The following XKR6 variants were observed in gnomAD, a reference collection of about 807,000 sequenced individuals.
XKR6 encodes XK related 6.
Under a neutral mutation model 56.7 loss-of-function variants are expected in XKR6, and 22 were observed. The observed-to-expected ratio is 0.39, with a 90% CI of 0.28 to 0.55. XKR6 has a LOEUF of 0.55. Among genes scored for constraint, XKR6 ranks in the 20% least tolerant of loss-of-function variants. XKR6 has a pLI of 0.66. For missense variants in XKR6, 852 were observed against 889.0 expected, an observed-to-expected ratio of 0.96 and a Z score of 0.53; for synonymous variants, 524 against 387.8, an observed-to-expected ratio of 1.35 and a Z score of -4.13.
intron 1 of XKR6, chr8:11,195,215 T>C (rs1803808458): frequency 8.5e-6 from 6 of 702,582 alleles, no homozygotes; most frequent in Admixed American, 4.0e-5. Context: ...CCAAAGGGTC[T>C]TGCCCACTGC....
intron 1 of XKR6, among the ~76,000 whole-genome samples, chr8:11,091,953 C>A (rs1490250433): frequency 6.6e-6 from 1 of 152,172 alleles, no homozygotes; most frequent in African/African-American, 2.4e-5. Flanking sequence ...TTATACAGAT[C>A]CACCACAATC....
At chr8:10,924,912 A>G in intron 1 of XKR6, 82 bp from the exon 2 acceptor site, 3 of 1,431,326 alleles carry the variant, frequency 2.1e-6, no homozygotes, top group African/African-American at 2.8e-5. Flanking sequence ...CCCTAAAACC[A>G]AGAGACTCAG....
intron 1 of XKR6, among the ~76,000 whole-genome samples, chr8:11,152,429 A>G (rs1318385885): frequency 6.6e-6 from 1 of 152,218 alleles, no homozygotes; most frequent in Non-Finnish European, 1.5e-5. Context: ...TTAAAAATCT[A>G]GATACATAAT....
intron 1 of XKR6, among the ~76,000 whole-genome samples, chr8:11,131,894 T>C (rs1018457136): frequency 4.6e-5 from 7 of 152,160 alleles, no homozygotes; most frequent in African/African-American, 1.7e-4. Context: ...GACTATACCA[T>C]CTAGGTTTGT....
chr8:11,051,944 CG>C (rs889757960), intron 1 of XKR6, among the ~76,000 whole-genome samples: 1 of 152,142 alleles, frequency 6.6e-6, no homozygotes, highest in African/African-American at 2.4e-5. Context: ...GCGTGTGCCA[CG>C]GTGGCGTGTT....
intron 1 of XKR6, among the ~76,000 whole-genome samples, chr8:11,037,919 C>A (rs1009453220): frequency 7.3e-5 from 11 of 150,460 alleles, no homozygotes; most frequent in African/African-American, 2.7e-4. Flanking sequence ...CCCAGCTACT[C>A]GGGAGGCTGA....
intron 1 of XKR6, among the ~76,000 whole-genome samples, chr8:10,974,064 C>G (rs1024928920): frequency 6.6e-6 from 1 of 152,126 alleles, no homozygotes; most frequent in African/African-American, 2.4e-5. Flanking sequence ...AAAGCTAGTT[C>G]AAATATGTAT....
chr8:11,011,239 T>C (rs911402808), intron 1 of XKR6, among the ~76,000 whole-genome samples: 2 of 152,086 alleles, frequency 1.3e-5, no homozygotes, highest in African/African-American at 4.8e-5. Flanking sequence ...ATTTCAACAA[T>C]ACAGTGACAT....
At chr8:11,004,019 G>A (rs917416695) in intron 1 of XKR6, among the ~76,000 whole-genome samples, 4 of 152,130 alleles carry the variant, frequency 2.6e-5, no homozygotes, top group African/African-American at 9.7e-5. Flanking sequence ...TGGGTCCTGG[G>A]GCATCACAAG....
intron 1 of XKR6, chr8:11,195,293 T>G (rs1803813682): frequency 1.6e-6 from 1 of 630,678 alleles, no homozygotes. Context: ...CCTTTCATTC[T>G]TTTAGCATTT....
intron 1 of XKR6, among the ~76,000 whole-genome samples, chr8:10,925,293 C>T (rs926710122): frequency 3.9e-5 from 6 of 152,204 alleles, no homozygotes; most frequent in Admixed American, 1.3e-4. Flanking sequence ...GCTCCTACTA[C>T]GTGCCATTCG....
intron 1 of XKR6, among the ~76,000 whole-genome samples, chr8:11,166,492 T>C (rs1007109602): frequency 6.6e-6 from 1 of 152,214 alleles, no homozygotes; most frequent in Non-Finnish European, 1.5e-5. Flanking sequence ...GCAGCCGTGA[T>C]GGACTAAGAC....
At chr8:10,970,410 A>G (rs1802370108) in intron 1 of XKR6, among the ~76,000 whole-genome samples, 1 of 152,170 alleles carries the variant, frequency 6.6e-6, no homozygotes, top group African/African-American at 2.4e-5. Flanking sequence ...AACATATGAT[A>G]CTGTGAATAT....
intron 1 of XKR6, among the ~76,000 whole-genome samples, chr8:11,159,842 T>TTA (rs2117006710): frequency 6.6e-6 from 1 of 152,352 alleles, no homozygotes; most frequent in East Asian, 1.9e-4. Context: ...AGAAGGTACC[T>TTA]TATCTCTTCT....
chr8:10,935,929 A>G (rs1239586554), intron 1 of XKR6, among the ~76,000 whole-genome samples: 2 of 145,600 alleles, frequency 1.4e-5, no homozygotes, highest in Non-Finnish European at 3.0e-5. Flanking sequence ...CTTGGTGCAG[A>G]GCTGAGTTCA....
Position 11,135,649 on chromosome 8 carries a change from T to C in XKR6, c.764+64927A>G, listed in dbSNP as rs557214284. Among the ~76,000 whole-genome samples the C allele has an allele frequency of 1.5e-4, 23 of 151,920 alleles. 1 individual carries two copies. The highest frequency in any genetic ancestry group is 4.6e-4 in the African/African-American group (19 of 41,430). On this transcript the variant is annotated intron_variant, in intron 1 of 2. Coordinates refer to ENST00000416569, the MANE Select transcript of XKR6 (RefSeq NM_173683.4). ...GTGGTATGAACAGAGGAACAGAAAA[T>C]GGGTGAATTCATGAAAAAATGTCTG...
chr8:10,911,468 T>A (rs1800362655), intron 2 of XKR6, among the ~76,000 whole-genome samples: 1 of 145,920 alleles, frequency 6.9e-6, no homozygotes, highest in African/African-American at 2.5e-5. Flanking sequence ...AGAGAGAATA[T>A]GTATGTGTAT....
At chr8:10,994,064 G>A (rs924327566) in intron 1 of XKR6, among the ~76,000 whole-genome samples, 2 of 152,176 alleles carry the variant, frequency 1.3e-5, no homozygotes, top group African/African-American at 4.8e-5. Context: ...CCTTGGCTGG[G>A]CCCCTGAAAG....
intron 1 of XKR6, among the ~76,000 whole-genome samples, chr8:11,034,626 G>C (rs751614481): frequency 6.6e-6 from 1 of 152,222 alleles, no homozygotes; most frequent in South Asian, 2.1e-4. Context: ...AAACTAGATG[G>C]AATGGGAGAC....
Sources: gnomAD v4.1 joint callset for allele counts (sites outside exome capture counted in the v4.1 genomes callset) on GRCh38, gnomAD v4.1.1 for gene constraint, MANE v1.5 for transcripts, NCBI Gene and HGNC (gene_info 2026-07-23, HGNC 2026-07-21) for gene names.